The following TXLNB variants were observed in gnomAD, a reference collection of about 807,000 sequenced individuals.
TXLNB encodes taxilin beta, also known as beta-taxilin.
Under a neutral mutation model 57.4 loss-of-function variants are expected in TXLNB, and 37 were observed. The observed-to-expected ratio is 0.64, with a 90% CI of 0.50 to 0.85. The LOEUF is 0.85. Ranked by LOEUF, TXLNB falls within the 40% of genes least tolerant of loss-of-function variation. The probability of loss-of-function intolerance (pLI) is 0.00; values close to 1 mark genes in which losing one functional copy is unlikely to be tolerated. For missense variants in TXLNB, 848 were observed against 825.6 expected, an observed-to-expected ratio of 1.03 and a Z score of -0.33; for synonymous variants, 302 against 309.6, an observed-to-expected ratio of 0.98 and a Z score of 0.26.
the TXLNB span, among the ~76,000 whole-genome samples, chr6:139,228,448 C>T: frequency 6.6e-6 from 1 of 151,030 alleles, no homozygotes; most frequent in East Asian, 1.9e-4. Flanking sequence ...ATCACTTGAA[C>T]CCAGGAGGCA....
At chr6:139,223,353 G>A in the TXLNB span, among the ~76,000 whole-genome samples, 1 of 151,794 alleles carries the variant, frequency 6.6e-6, no homozygotes, top group South Asian at 2.1e-4. Context: ...GGGGAAGGAA[G>A]AAAATTAATG....
At chr6:139,196,364 G>GTTTTTTTTTTTTT in the TXLNB span, among the ~76,000 whole-genome samples, 1 of 86,770 alleles carries the variant, frequency 1.2e-5, no homozygotes, top group African/African-American at 4.6e-5. Flanking sequence ...CTCCAGATCT[G>GTTTTTTTTTTTTT]GTTTTTTTTT....
At chr6:139,239,619 A>C (rs2114396472), downstream of TXLNB, 1 of 152,454 alleles carries the variant, frequency 6.6e-6, no homozygotes, top group Non-Finnish European at 1.5e-5. This position sits in a 1 kb window ranked among gnomAD's most constrained non-coding sequence, Gnocchi z 4.7. Context: ...CAGCTTCCCA[A>C]GTGGCTGGGA....
At chr6:139,194,208 C>A in the TXLNB span, among the ~76,000 whole-genome samples, 1 of 152,072 alleles carries the variant, frequency 6.6e-6, no homozygotes, top group African/African-American at 2.4e-5. Context: ...TCCAAAGTGC[C>A]GGGATTACAG....
the TXLNB span, among the ~76,000 whole-genome samples, chr6:139,195,921 A>G: frequency 1.3e-5 from 2 of 151,998 alleles, no homozygotes; most frequent in African/African-American, 2.4e-5. Flanking sequence ...CATTTTTCCC[A>G]TCATGTTCTC....
chr6:139,272,661 G>A (rs1776794676), intron 3 of TXLNB, among the ~76,000 whole-genome samples: 1 of 152,122 alleles, frequency 6.6e-6, no homozygotes, highest in Non-Finnish European at 1.5e-5. Flanking sequence ...CTTTAATTTT[G>A]CACCATAGTT....
chr6:139,176,385 C>T, the TXLNB span, among the ~76,000 whole-genome samples: 1 of 152,158 alleles, frequency 6.6e-6, no homozygotes, highest in Non-Finnish European at 1.5e-5. The surrounding 1 kb of genome is among the most constrained non-coding windows in gnomAD (Gnocchi z 4.5). Flanking sequence ...TGGTTATTCA[C>T]TTAAGTCCTG....
At chr6:139,321,982 G>A in the TXLNB span, among the ~76,000 whole-genome samples, 1 of 145,628 alleles carries the variant, frequency 6.9e-6, no homozygotes, top group African/African-American at 2.6e-5. Flanking sequence ...TTTTTTTTAA[G>A]ATAGGCAGAG....
chr6:139,247,532 C>CTTTTTTTTTTTTTTTT (rs61368061), intron 8 of TXLNB, among the ~76,000 whole-genome samples: 1 of 63,078 alleles, frequency 1.6e-5, no homozygotes, highest in Non-Finnish European at 3.1e-5. Context: ...CTCTGGTCTT[C>CTTTTTTTTTTTTTTTT]TTTTTTTTTT....
the TXLNB span, among the ~76,000 whole-genome samples, chr6:139,318,269 CAA>C: frequency 0.055 from 3,097 of 56,438 alleles, 42 homozygotes; most frequent in African/African-American, 0.16. Flanking sequence ...GACTCTGTCT[CAA>C]AAAAAAAAAA....
intron 2 of TXLNB, among the ~76,000 whole-genome samples, chr6:139,277,434 T>C (rs59516931): frequency 6.6e-6 from 1 of 152,092 alleles, no homozygotes; most frequent in South Asian, 2.1e-4. Flanking sequence ...GTGTTTTTTG[T>C]TCTTTTGGTA....
intron 4 of TXLNB, among the ~76,000 whole-genome samples, chr6:139,264,439 T>C (rs777645586): frequency 1.6e-4 from 25 of 152,036 alleles, no homozygotes; most frequent in Non-Finnish European, 3.2e-4. Context: ...GAACTGGCTA[T>C]AGAAAGAAGG....
chr6:139,186,815 A>G, the TXLNB span, among the ~76,000 whole-genome samples: 1 of 152,252 alleles, frequency 6.6e-6, no homozygotes, highest in African/African-American at 2.4e-5. Flanking sequence ...ATGCAACACC[A>G]TGGACGGACC....
the TXLNB span, among the ~76,000 whole-genome samples, chr6:139,201,247 T>C: frequency 6.6e-6 from 1 of 152,232 alleles, no homozygotes; most frequent in African/African-American, 2.4e-5. Context: ...GCCAGTGTTT[T>C]GGACTGAGCT....
At chr6:139,253,488 G>T (rs1453195824) in intron 7 of TXLNB, among the ~76,000 whole-genome samples, 3 of 152,052 alleles carry the variant, frequency 2.0e-5, no homozygotes, top group Non-Finnish European at 2.9e-5. Flanking sequence ...ATTCATTATA[G>T]CATTTTCATT....
chr6:139,172,122 C>T, the TXLNB span, among the ~76,000 whole-genome samples: 4 of 152,100 alleles, frequency 2.6e-5, no homozygotes, highest in South Asian at 2.1e-4. Context: ...TGAGCCACTG[C>T]GCCCAGCCCT....
At chr6:139,201,213 T>G in the TXLNB span, among the ~76,000 whole-genome samples, 2 of 152,304 alleles carry the variant, frequency 1.3e-5, no homozygotes, top group Non-Finnish European at 2.9e-5. Context: ...TTGTCCAATT[T>G]CCTGTGAAGT....
chr6:139,212,431 G>C, the TXLNB span, among the ~76,000 whole-genome samples: 110 of 152,304 alleles, frequency 7.2e-4, no homozygotes, highest in African/African-American at 2.5e-3. Context: ...CAAATGCTGA[G>C]AGATTTTGTC....
intron 3 of TXLNB, among the ~76,000 whole-genome samples, chr6:139,273,152 C>T (rs1283172728): frequency 2.0e-5 from 3 of 152,240 alleles, no homozygotes; most frequent in African/African-American, 7.2e-5. Context: ...TGAACCCCAG[C>T]ACAAGTAACA....
Sources: gnomAD v4.1 joint callset for allele counts (sites outside exome capture counted in the v4.1 genomes callset) on GRCh38, gnomAD v4.1.1 for gene constraint, Gnocchi (gnomAD v3.1) non-coding constraint, MANE v1.5 for transcripts, NCBI Gene and HGNC (gene_info 2026-07-23, HGNC 2026-07-21) for gene names.